The following SRGAP2B variants were observed in gnomAD, a reference collection of about 807,000 sequenced individuals.
The protein encoded by SRGAP2B is SLIT-ROBO Rho GTPase-activating protein 2B.
Under a neutral mutation model 22.2 loss-of-function variants are expected in SRGAP2B, and 9 were observed. The observed-to-expected ratio is 0.41, with a 90% CI of 0.24 to 0.71. SRGAP2B has a LOEUF of 0.71. SRGAP2B is among the 30% of genes least tolerant of loss of function. The pLI, the probability that SRGAP2B is intolerant of heterozygous loss-of-function variation, is 0.35. For missense variants in SRGAP2B, 114 were observed against 235.8 expected (o/e 0.48, Z 3.38); for synonymous variants, 36 against 87.4 (o/e 0.41, Z 3.28).
At chr1:145,076,385 C>T (rs1167206334) in intron 2 of SRGAP2B, among the ~76,000 whole-genome samples, 2 of 149,846 alleles carry the variant, frequency 1.3e-5, no homozygotes, top group Non-Finnish European at 3.0e-5. Context: ...ATGTTCAGAG[C>T]AGCTTCATTC....
At chr1:144,929,924 TG>T (rs1553605496) in intron 4 of SRGAP2B, among the ~76,000 whole-genome samples, 1 of 150,038 alleles carries the variant, frequency 6.7e-6, no homozygotes, top group Non-Finnish European at 1.5e-5. Context: ...CTACCCATCC[TG>T]GGCCCCTGGG....
chr1:145,088,978 A>G (rs1210109435), intron 2 of SRGAP2B, among the ~76,000 whole-genome samples: 2 of 151,608 alleles, frequency 1.3e-5, no homozygotes, highest in Non-Finnish European at 3.0e-5. Flanking sequence ...TTTTAAAAGC[A>G]GTATAACAAC....
At chr1:144,991,625 T>C (rs1553617193) in intron 3 of SRGAP2B, among the ~76,000 whole-genome samples, 1 of 150,066 alleles carries the variant, frequency 6.7e-6, no homozygotes, top group Non-Finnish European at 1.5e-5. Flanking sequence ...GCACTCTGTA[T>C]CTAGCTCAAG....
exon 10 of SRGAP2B, chr1:144,891,643 AT>A (rs1316797845): frequency 1.6e-5 from 2 of 128,602 alleles, no homozygotes; most frequent in Non-Finnish European, 3.2e-5. Context: ...AGATACATGA[AT>A]AAGAAAATAC....
At chr1:145,061,846 C>T (rs1460130668) in intron 2 of SRGAP2B, among the ~76,000 whole-genome samples, 3 of 119,962 alleles carry the variant, frequency 2.5e-5, no homozygotes, top group Non-Finnish European at 5.1e-5. Context: ...AAAATGCTAG[C>T]TAGATGATGA....
intron 4 of SRGAP2B, among the ~76,000 whole-genome samples, chr1:144,940,734 C>T (rs587721206): frequency 1.6e-4 from 22 of 141,610 alleles, no homozygotes; most frequent in Admixed American, 7.9e-4. Flanking sequence ...ACCCGGGAGG[C>T]GGAGGTTGCA....
chr1:145,076,426 T>C (rs1652510676), intron 2 of SRGAP2B, among the ~76,000 whole-genome samples: 1 of 150,446 alleles, frequency 6.6e-6, no homozygotes, highest in Non-Finnish European at 1.5e-5. Flanking sequence ...ACAACCCATA[T>C]GTCCGAACCA....
chr1:145,019,461 G>GT (rs1358862131), intron 2 of SRGAP2B, among the ~76,000 whole-genome samples: 1 of 76,324 alleles, frequency 1.3e-5, no homozygotes, highest in Non-Finnish European at 2.5e-5. Flanking sequence ...GCCAAAAATC[G>GT]TAAGTATTTG....
chr1:144,905,736 T>C, intron 6 of SRGAP2B, 123 bp downstream of exon 6: 2 of 702,644 alleles, frequency 2.8e-6, no homozygotes, highest in East Asian at 2.7e-5. Context: ...TTTCAGTCAT[T>C]AGGCACTAAA....
At chr1:144,905,340 GC>G (rs1662907158) in intron 6 of SRGAP2B, 121 bp from the exon 7 acceptor site, 1 of 601,942 alleles carries the variant, frequency 1.7e-6, no homozygotes, top group Non-Finnish European at 3.0e-6. Flanking sequence ...ATGCGCATCT[GC>G]CTTAAATTGG....
intron 4 of SRGAP2B, among the ~76,000 whole-genome samples, chr1:144,931,557 T>C (rs1457158510): frequency 2.7e-5 from 4 of 150,788 alleles, no homozygotes; most frequent in Non-Finnish European, 5.9e-5. Flanking sequence ...AAAAAGAGAA[T>C]CATATAAGCA....
At chr1:144,997,541 G>A (rs1553618681) in intron 2 of SRGAP2B, among the ~76,000 whole-genome samples, 1 of 149,882 alleles carries the variant, frequency 6.7e-6, no homozygotes, top group African/African-American at 2.5e-5. Context: ...AGGCTGTCAG[G>A]TCCCTCTGAG....
intron 3 of SRGAP2B, among the ~76,000 whole-genome samples, chr1:144,969,913 C>T (rs1668373649): frequency 6.6e-6 from 1 of 150,778 alleles, no homozygotes; most frequent in Non-Finnish European, 1.5e-5. Context: ...CATCACTGGC[C>T]ATCAGAGAAA....
intron 2 of SRGAP2B, among the ~76,000 whole-genome samples, chr1:145,086,691 A>G (rs1440109880): frequency 9.7e-6 from 1 of 103,474 alleles, no homozygotes; most frequent in African/African-American, 4.2e-5. Context: ...GAAAAAAAAA[A>G]AAAAAAAAAG....
At chr1:144,944,859 A>C (rs1393528417) in intron 4 of SRGAP2B, among the ~76,000 whole-genome samples, 1 of 147,938 alleles carries the variant, frequency 6.8e-6, no homozygotes, top group Non-Finnish European at 1.5e-5. Context: ...TTCCGGGTTC[A>C]AGTGATTCTC....
chr1:144,978,693 T>C (rs1457564343), intron 3 of SRGAP2B, among the ~76,000 whole-genome samples: 1 of 147,944 alleles, frequency 6.8e-6, no homozygotes, highest in East Asian at 2.0e-4. Flanking sequence ...AAGATGTTCT[T>C]AGCTTCCAAA....
At chr1:145,024,992 T>C (rs1481221707) in intron 2 of SRGAP2B, among the ~76,000 whole-genome samples, 53 of 148,030 alleles carry the variant, frequency 3.6e-4, no homozygotes, top group Non-Finnish European at 3.0e-4. Flanking sequence ...AACCCATAAA[T>C]TCTCATCTCT....
intron 3 of SRGAP2B, among the ~76,000 whole-genome samples, chr1:144,964,029 G>C (rs587615107): frequency 2.1e-4 from 31 of 150,186 alleles, no homozygotes; most frequent in African/African-American, 6.7e-4. Context: ...TTGATTCTGT[G>C]AAACTATAGA....
chr1:144,951,158 T>C (rs1445344561), intron 4 of SRGAP2B, among the ~76,000 whole-genome samples: 5 of 146,560 alleles, frequency 3.4e-5, no homozygotes, highest in African/African-American at 1.0e-4. Flanking sequence ...CTCTGTTTTG[T>C]TTTTTGTTTT....
Sources: allele counts gnomAD v4.1 joint callset (sites outside exome capture counted in the v4.1 genomes callset), GRCh38; gene constraint gnomAD v4.1.1; transcripts MANE v1.5; gene names NCBI Gene and HGNC (gene_info 2026-07-23, HGNC 2026-07-21).